The following DOCK10 variants were observed in gnomAD, a reference collection of about 807,000 sequenced individuals.
DOCK10 encodes the protein dedicator of cytokinesis 10.
In DOCK10, 145 loss-of-function variants were observed where a neutral mutation model predicts 280.1. The observed-to-expected ratio is 0.52, with a 90% confidence interval of 0.45 to 0.59. The LOEUF is 0.59. Ranked by LOEUF, DOCK10 falls within the 20% of genes least tolerant of loss-of-function variation. The probability of loss-of-function intolerance (pLI) is 0.00; values close to 1 mark genes in which losing one functional copy is unlikely to be tolerated. For synonymous variants in DOCK10, 915 were observed against 942.2 expected (o/e 0.97, Z 0.53); for missense variants, 2,368 against 2,651.7 (o/e 0.89, Z 2.35).
chr2:224,768,913 G>C, intron 55 of DOCK10: 1 of 456,642 alleles, frequency 2.2e-6, no homozygotes, highest in Non-Finnish European at 4.4e-6. Flanking sequence ...AGACACAGAG[G>C]AACAGAAGCT....
chr2:225,015,710 C>G (rs1007642629), intron 1 of DOCK10, among the ~76,000 whole-genome samples: 5 of 152,202 alleles, frequency 3.3e-5, no homozygotes, highest in Admixed American at 1.3e-4. Context: ...ATCAATACCC[C>G]AGTCTGCTTC....
chr2:224,925,614 C>T (rs1702006184), intron 2 of DOCK10, among the ~76,000 whole-genome samples: 1 of 152,144 alleles, frequency 6.6e-6, no homozygotes, highest in African/African-American at 2.4e-5. Context: ...CTTAGATCAC[C>T]AAAGGTGGTC....
chr2:224,965,851 A>ATT (rs1704707608), intron 1 of DOCK10, among the ~76,000 whole-genome samples: 1 of 152,252 alleles, frequency 6.6e-6, no homozygotes, highest in African/African-American at 2.4e-5. Context: ...GTCGGAAGGC[A>ATT]TTATATAAAA....
intron 1 of DOCK10, among the ~76,000 whole-genome samples, chr2:224,958,948 A>G (rs1704207925): frequency 6.6e-6 from 1 of 152,228 alleles, no homozygotes; most frequent in Non-Finnish European, 1.5e-5. Flanking sequence ...GAGACATTTA[A>G]TCTGACTTTG....
intron 7 of DOCK10, among the ~76,000 whole-genome samples, chr2:224,883,569 A>G (rs1399132501): frequency 6.6e-6 from 1 of 152,222 alleles, no homozygotes; most frequent in African/African-American, 2.4e-5. Flanking sequence ...ACATTGTTCT[A>G]GTTTTACAGA....
chr2:224,967,167 C>A (rs556545574), intron 1 of DOCK10, among the ~76,000 whole-genome samples: 1 of 151,658 alleles, frequency 6.6e-6, no homozygotes, highest in Non-Finnish European at 1.5e-5. Flanking sequence ...GCAAGCTCCA[C>A]CTCCCGGGTT....
At chr2:224,994,877 C>T (rs1706226608) in intron 1 of DOCK10, among the ~76,000 whole-genome samples, 1 of 152,108 alleles carries the variant, frequency 6.6e-6, no homozygotes, top group South Asian at 2.1e-4. Flanking sequence ...CAAAAATAAA[C>T]TTTTGTTATC....
chr2:225,009,307 TA>T (rs1689366994), intron 1 of DOCK10, among the ~76,000 whole-genome samples: 1 of 152,054 alleles, frequency 6.6e-6, no homozygotes, highest in South Asian at 2.1e-4. Context: ...ATCAAAATAT[TA>T]AAAAATAGGT....
rs750806425 is a variant in DOCK10 at position 224,862,689 on chromosome 2, G to A, written c.1660C>T (p.Arg554Cys). The A allele has an allele frequency of 2.6e-5, 42 of 1,612,640 alleles. No individual in the cohort carries two copies. The highest frequency in any genetic ancestry group is 2.3e-4 in the African/African-American group (17 of 74,848). Residue 554 changes from arginine to cysteine, a missense_variant, in exon 14 of 56, where the codon CGT becomes TGT. By Grantham distance (180) the Arg-to-Cys change is radical. Coordinates refer to ENST00000258390, the MANE Select transcript of DOCK10 (RefSeq NM_014689.3). ...CTTACTGCCCAAGCAAAAGGCATACGGTATTTTCCCAATTTGCTGCAGAAT... is the reference window on the plus strand; with the variant it reads ...CTTACTGCCCAAGCAAAAGGCATACAGTATTTTCCCAATTTGCTGCAGAAT... Reference protein sequence around the residue: ...RQFCSKLGKYRMPFAWAVRSV... With the variant: ...RQFCSKLGKYCMPFAWAVRSV...
chr2:224,835,125 G>T (rs1317099171), intron 25 of DOCK10, among the ~76,000 whole-genome samples: 1 of 152,138 alleles, frequency 6.6e-6, no homozygotes, highest in African/African-American at 2.4e-5. Context: ...CACCTAACTT[G>T]TCATGGTGGG....
At chr2:224,816,753 C>A (rs1694157911) in intron 29 of DOCK10, 40 bp from the exon 30 acceptor site, 2 of 1,114,632 alleles carry the variant, frequency 1.8e-6, no homozygotes, top group East Asian at 2.5e-5. Flanking sequence ...ACTTACAGAC[C>A]AAGAAACTGA....
At chr2:224,834,370 G>C in intron 25 of DOCK10, 107 bp from the exon 26 acceptor site, 1 of 705,642 alleles carries the variant, frequency 1.4e-6, no homozygotes, top group Non-Finnish European at 2.5e-6. Flanking sequence ...GCTCATGCCA[G>C]ATTTTGCCAT....
At chr2:224,965,195 T>C (rs1032895358) in intron 1 of DOCK10, among the ~76,000 whole-genome samples, 2 of 152,204 alleles carry the variant, frequency 1.3e-5, no homozygotes, top group African/African-American at 4.8e-5. Context: ...ATTGAACAAA[T>C]AGCTTATTCG....
At chr2:224,831,596 G>C (rs1198116852) in intron 26 of DOCK10, among the ~76,000 whole-genome samples, 1 of 152,242 alleles carries the variant, frequency 6.6e-6, no homozygotes, top group African/African-American at 2.4e-5. Flanking sequence ...GCTCATGCCA[G>C]ATTTTGTCAT....
intron 3 of DOCK10, among the ~76,000 whole-genome samples, chr2:224,913,719 T>TTTAC (rs1416110002): frequency 1.4e-5 from 1 of 72,130 alleles, no homozygotes; most frequent in East Asian, 3.3e-4. Flanking sequence ...TGTTTGTCTG[T>TTTAC]TTATTTATTT....
Position 224,862,722 on chromosome 2 carries a change from T to C in DOCK10, c.1627A>G (p.Asn543Asp). ...CCCAATTTGCTGCAGAATTGTCTGT[T>C]GGATTTTAGTATCTTTTGTGCATAC... is the stretch of plus-strand genomic sequence containing the variant. ...NKYAQKILKS[N>D]RQFCSKLGKY... The change falls in exon 14 of 56, where the codon AAC becomes GAC. Residue 543 changes from asparagine to aspartate, a missense_variant. This residue lies in a region of DOCK10 where 1,209 missense variants were observed against 1,250.9 expected (regional missense o/e 0.97). Transcript: ENST00000258390. The C allele has an allele frequency of 6.2e-7, 1 of 1,610,104 alleles. No homozygotes were observed. Among genetic ancestry groups the C allele is most frequent in the Non-Finnish European group, 8.5e-7 (1 of 1,177,878 alleles).
chr2:224,860,567 T>G (rs1440335533), intron 14 of DOCK10: 1 of 152,048 alleles, frequency 6.6e-6, no homozygotes, highest in African/African-American at 2.4e-5. Flanking sequence ...AGCGTTTTTT[T>G]TTTCTTTTTT....
At chr2:224,827,218 G>C (rs937439491) in intron 27 of DOCK10, among the ~76,000 whole-genome samples, 6 of 150,304 alleles carry the variant, frequency 4.0e-5, no homozygotes, top group Non-Finnish European at 7.4e-5. Flanking sequence ...AGCCGAGATC[G>C]TGCCACTGCA....
intron 1 of DOCK10, among the ~76,000 whole-genome samples, chr2:225,015,404 T>C (rs1287226868): frequency 3.3e-5 from 5 of 152,216 alleles, no homozygotes; most frequent in Admixed American, 2.6e-4. Context: ...ATTATTTCCA[T>C]GTAATCAGGA....
Sources: gnomAD v4.1 joint callset for allele counts (sites outside exome capture counted in the v4.1 genomes callset) on GRCh38, gnomAD v4.1.1 for gene constraint, gnomAD v4.1.1 regional missense constraint, MANE v1.5 for transcripts, NCBI Gene and HGNC (gene_info 2026-07-23, HGNC 2026-07-21) for gene names.